Variants in MEF2C observed in about 807,000 individuals in gnomAD.
MEF2C encodes myocyte-specific enhancer factor 2C.
Under a neutral mutation model 50.5 loss-of-function variants are expected in MEF2C, and 6 were observed. The observed-to-expected ratio is 0.12, with a 90% CI of 0.07 to 0.23. The LOEUF (loss-of-function observed/expected upper bound fraction) is 0.23, where lower values mean the gene tolerates loss of function less well. MEF2C is among the 10% of genes least tolerant of loss of function. The pLI, the probability that MEF2C is intolerant of heterozygous loss-of-function variation, is 1.00. For missense variants in MEF2C, 276 were observed against 605.0 expected, an observed-to-expected ratio of 0.46 and a Z score of 5.70; for synonymous variants, 183 against 228.0, an observed-to-expected ratio of 0.80 and a Z score of 1.78.
chr5:88,779,345 A>G (rs1349436905), intron 3 of MEF2C, among the ~76,000 whole-genome samples: 2 of 152,178 alleles, frequency 1.3e-5, no homozygotes, highest in East Asian at 1.9e-4. Context: ...ACTAATTGTC[A>G]AAGGAATCCA....
At chr5:88,741,124 T>C in intron 6 of MEF2C, 2 of 985,424 alleles carry the variant, frequency 2.0e-6, no homozygotes, top group Non-Finnish European at 2.4e-6. Flanking sequence ...CTTCCACCCT[T>C]GAGGATAGGA....
rs35200545 is a variant in MEF2C, at chr5:88,722,261, T to C, written c.*343A>G. The C allele has an allele frequency of 5.1e-6, 1 of 197,248 alleles. No homozygotes were observed. The highest frequency in any genetic ancestry group is 1.0e-5 in the Non-Finnish European group (1 of 96,126). The allele number at this position is 197,248 out of a possible 1,614,324, so 12.2% of individuals were successfully genotyped here. Reference sequence around the variant, plus strand: ...GCCGCTTTTGGCAAATGTTTCCTTTTGTCTATTTACATGTAAATAACGTTG... The same window carrying C: ...GCCGCTTTTGGCAAATGTTTCCTTTCGTCTATTTACATGTAAATAACGTTG... On this transcript the variant is annotated 3_prime_UTR_variant, in exon 11 of 11. Coordinates refer to ENST00000504921, the MANE Select transcript of MEF2C (RefSeq NM_002397.5).
intron 1 of MEF2C, among the ~76,000 whole-genome samples, chr5:88,862,141 A>G (rs1413441247): frequency 2.0e-5 from 3 of 152,254 alleles, no homozygotes; most frequent in Admixed American, 6.5e-5. Context: ...GTTCCATTAT[A>G]TAACTGAGAT....
Position 88,821,551 on chromosome 5 carries a change from G to A in MEF2C, c.54+2184C>T, listed in dbSNP as rs552632529. ...ATTACAAGCATGAACTACCACTCCC[G>A]GCTTTAAAATTATTGTATCCCTAGA... On this transcript the variant is annotated intron_variant, in intron 2 of 10. Coordinates refer to ENST00000504921, the MANE Select transcript of MEF2C (RefSeq NM_002397.5). Among the ~76,000 whole-genome samples, 9 of 151,942 alleles carry A rather than the reference G, an allele frequency of 5.9e-5. No homozygotes were observed. The East Asian group carries it at 1.6e-3, about 26-fold the overall frequency.
intron 6 of MEF2C, among the ~76,000 whole-genome samples, chr5:88,745,033 A>T (rs1768722980): frequency 6.6e-6 from 1 of 152,232 alleles, no homozygotes; most frequent in African/African-American, 2.4e-5. Flanking sequence ...GTTACAGATC[A>T]AGGGTATATC....
chr5:88,757,681 C>T (rs996946600), intron 4 of MEF2C, among the ~76,000 whole-genome samples: 6 of 152,070 alleles, frequency 3.9e-5, no homozygotes, highest in African/African-American at 1.4e-4. Flanking sequence ...TTTGGGAGGC[C>T]GAGACGGGCG....
intron 1 of MEF2C, chr5:88,839,255 AT>A (rs1472285831): frequency 6.6e-6 from 1 of 151,834 alleles, no homozygotes; most frequent in Non-Finnish European, 1.5e-5. Context: ...TATATATGTT[AT>A]TGTAGTAGTT....
chr5:88,821,747 A>G (rs920551413), intron 2 of MEF2C, among the ~76,000 whole-genome samples: 1 of 151,816 alleles, frequency 6.6e-6, no homozygotes, highest in African/African-American at 2.4e-5. Context: ...GATGGTTACT[A>G]TAGGCTGGGA....
chr5:88,745,713 G>C (rs1769159390), intron 6 of MEF2C, among the ~76,000 whole-genome samples: 1 of 152,202 alleles, frequency 6.6e-6, no homozygotes. Flanking sequence ...TACTCAGTAG[G>C]CTGAGGGAGG....
At chr5:88,802,225 C>G (rs1238428206) in intron 3 of MEF2C, among the ~76,000 whole-genome samples, 1 of 152,204 alleles carries the variant, frequency 6.6e-6, no homozygotes, top group East Asian at 1.9e-4. Context: ...CTTGCAAAAG[C>G]ACTTTCAAAT....
At chr5:88,745,101 A>G (rs1206040648) in intron 6 of MEF2C, among the ~76,000 whole-genome samples, 1 of 152,202 alleles carries the variant, frequency 6.6e-6, no homozygotes, top group Non-Finnish European at 1.5e-5. Context: ...TTACATCAAC[A>G]CTATTAAAAC....
chr5:88,841,375 C>T (rs1318799354), intron 1 of MEF2C, among the ~76,000 whole-genome samples: 5 of 151,782 alleles, frequency 3.3e-5, no homozygotes, highest in South Asian at 2.1e-4. Flanking sequence ...GGTGTGGTGG[C>T]GCATGCCTGG....
intron 2 of MEF2C, among the ~76,000 whole-genome samples, chr5:88,817,568 T>C (rs1484957285): frequency 6.6e-6 from 1 of 152,004 alleles, no homozygotes; most frequent in East Asian, 1.9e-4. Context: ...TCCTGTTCTA[T>C]TAACAGAATG....
intron 1 of MEF2C, among the ~76,000 whole-genome samples, chr5:88,896,313 T>C (rs1835110026): frequency 1.3e-5 from 2 of 152,202 alleles, no homozygotes; most frequent in African/African-American, 4.8e-5. Context: ...AGTGACTATG[T>C]TGTCACTCAG....
At chr5:88,758,473 A>C (rs1286641418) in intron 4 of MEF2C, among the ~76,000 whole-genome samples, 1 of 152,190 alleles carries the variant, frequency 6.6e-6, no homozygotes, top group Non-Finnish European at 1.5e-5. Flanking sequence ...AAATTACAAT[A>C]TACTAACAGG....
At chr5:88,759,940 T>C (rs1199615861) in intron 4 of MEF2C, among the ~76,000 whole-genome samples, 3 of 152,264 alleles carry the variant, frequency 2.0e-5, no homozygotes, top group Non-Finnish European at 2.9e-5. Context: ...GAATTTGGCC[T>C]CGAACTTTGT....
intron 2 of MEF2C, among the ~76,000 whole-genome samples, chr5:88,816,522 T>A (rs1805488738): frequency 6.7e-6 from 1 of 149,322 alleles, no homozygotes; most frequent in Non-Finnish European, 1.5e-5. Flanking sequence ...ATTATTTAGG[T>A]CATTTTCCCT....
At chr5:88,868,630 C>T (rs1828170708) in intron 1 of MEF2C, among the ~76,000 whole-genome samples, 1 of 152,124 alleles carries the variant, frequency 6.6e-6, no homozygotes, top group African/African-American at 2.4e-5. Flanking sequence ...ACCTCTACCA[C>T]CGGTACTTTA....
intron 7 of MEF2C, 112 bp downstream of exon 7, chr5:88,731,617 T>C (rs1761684591): frequency 6.1e-6 from 6 of 990,838 alleles, no homozygotes; most frequent in Non-Finnish European, 9.2e-6. Flanking sequence ...GGCACTGTTA[T>C]GTTAATTTTC....
Sources: gnomAD v4.1 joint callset for allele counts (sites outside exome capture counted in the v4.1 genomes callset) on GRCh38, gnomAD v4.1.1 for gene constraint, MANE v1.5 for transcripts, NCBI Gene and HGNC (gene_info 2026-07-23, HGNC 2026-07-21) for gene names.